Variants in CHST8 observed in about 807,000 individuals in gnomAD.
The protein encoded by CHST8 is carbohydrate sulfotransferase 8, also known as GALNAC-4-ST1.
CHST8 carries 10 observed loss-of-function variants against 15.0 expected under a neutral mutation model. The observed-to-expected ratio is 0.67, with a 90% confidence interval of 0.41 to 1.13. The LOEUF (loss-of-function observed/expected upper bound fraction) is 1.13. Ranked by LOEUF, CHST8 falls within the 50% of genes most tolerant of loss-of-function variation. The pLI, the probability that CHST8 is intolerant of heterozygous loss-of-function variation, is 0.00. For synonymous variants in CHST8, 259 were observed against 256.6 expected, an observed-to-expected ratio of 1.01 and a Z score of -0.09; for missense variants, 634 against 608.2, an observed-to-expected ratio of 1.04 and a Z score of -0.45.
intron 3 of CHST8, among the ~76,000 whole-genome samples, chr19:33,704,264 C>G (rs1275227412): frequency 6.6e-6 from 1 of 152,212 alleles, no homozygotes; most frequent in Non-Finnish European, 1.5e-5. Flanking sequence ...TTCCTCAAGT[C>G]CTGGATGGAG....
In CHST8 at chr19:33,696,673, G is replaced by A. The variant is rs143864058; in HGVS notation, c.130+7282G>A. ...CCCCATCTCCCTTCCCCAGACCGTG[G>A]AAAAATTGTCTTCCACGAAACTGGT... On this transcript the variant is annotated intron_variant, in intron 3 of 4. Coordinates refer to ENST00000650847, the MANE Select transcript of CHST8 (RefSeq NM_001127895.2). Among the ~76,000 whole-genome samples the A allele has an allele frequency of 3.8e-3, 581 of 152,048 alleles. 1 individual carries two copies. The highest frequency in any genetic ancestry group is 0.01 in the Middle Eastern group (3 of 292).
chr19:33,686,681 G>A (rs1076513), intron 2 of CHST8, among the ~76,000 whole-genome samples: 5,384 of 152,256 alleles, frequency 0.035, 132 homozygotes, highest in Non-Finnish European at 0.055. Flanking sequence ...GATGTTGGAG[G>A]CTACCCTAGG....
chr19:33,688,662 C>A (rs180963061), intron 2 of CHST8, among the ~76,000 whole-genome samples: 153 of 152,256 alleles, frequency 1.0e-3, no homozygotes, highest in Admixed American at 1.9e-3. Flanking sequence ...GCCTAGCAGG[C>A]TCCTTTTCAG....
chr19:33,656,863 A>C (rs1972515405), intron 1 of CHST8, among the ~76,000 whole-genome samples: 1 of 152,074 alleles, frequency 6.6e-6, no homozygotes, highest in Admixed American at 6.5e-5. Context: ...GTGTGAAACA[A>C]CGTTTATCTA....
At chr19:33,690,816 C>T (rs1271107434) in intron 3 of CHST8, among the ~76,000 whole-genome samples, 2 of 152,234 alleles carry the variant, frequency 1.3e-5, no homozygotes, top group Non-Finnish European at 2.9e-5. Context: ...CCCCTCGGGA[C>T]AGCGCCACCA....
chr19:33,726,698 C>G (rs1215342521), intron 3 of CHST8, among the ~76,000 whole-genome samples: 1 of 152,136 alleles, frequency 6.6e-6, no homozygotes. Flanking sequence ...GACAGCAGTG[C>G]TGAACTCCAG....
chr19:33,721,999 A>G (rs1347185416), intron 3 of CHST8, among the ~76,000 whole-genome samples: 6 of 140,244 alleles, frequency 4.3e-5, no homozygotes, highest in Admixed American at 2.8e-4. Context: ...ATGGATGGAT[A>G]GATGGAAAGA....
intron 2 of CHST8, among the ~76,000 whole-genome samples, chr19:33,670,902 A>G (rs1006915308): frequency 3.3e-5 from 5 of 152,130 alleles, no homozygotes; most frequent in Non-Finnish European, 2.9e-5. Flanking sequence ...ACAAGAGATT[A>G]TTACTCCCAT....
At chr19:33,726,533 G>C (rs1469831466) in intron 3 of CHST8, among the ~76,000 whole-genome samples, 1 of 152,026 alleles carries the variant, frequency 6.6e-6, no homozygotes, top group Non-Finnish European at 1.5e-5. Flanking sequence ...GCAAGACCCT[G>C]TCTCAATAAT....
chr19:33,723,101 T>A (rs561364280), intron 3 of CHST8, among the ~76,000 whole-genome samples: 375 of 152,306 alleles, frequency 2.5e-3, no homozygotes, highest in African/African-American at 8.8e-3. Flanking sequence ...GATCCTGTGT[T>A]AAGTGTGGGG....
chr19:33,712,831 G>A (rs1284757513), intron 3 of CHST8, among the ~76,000 whole-genome samples: 2 of 152,142 alleles, frequency 1.3e-5, no homozygotes, highest in East Asian at 3.9e-4. Flanking sequence ...GGGATCCCCT[G>A]CTCAGTGTCT....
intron 1 of CHST8, among the ~76,000 whole-genome samples, chr19:33,632,749 G>T (rs1314056699): frequency 3.1e-5 from 1 of 32,204 alleles, no homozygotes; most frequent in Non-Finnish European, 8.0e-5. Context: ...GGTTTTCCTT[G>T]TGTGTGTGTG....
intron 3 of CHST8, among the ~76,000 whole-genome samples, chr19:33,722,911 GA>G (rs1395914587): frequency 6.6e-6 from 1 of 152,250 alleles, no homozygotes; most frequent in Non-Finnish European, 1.5e-5. Context: ...GCAAGGGTAA[GA>G]GGGGGTCTGC....
rs1467941344 is a variant in CHST8 at position 33,655,284 on chromosome 19, G to A, written c.-163-12483G>A. ...ACTCCTAATCTCAAGAGATCTGCCC[G>A]CCTCAGCCTCCGAAAGTGCTAGGAT... On this transcript the variant is annotated intron_variant, in intron 1 of 4. Transcript: ENST00000650847. Among the ~76,000 whole-genome samples the A allele has an allele frequency of 2.6e-5, 4 of 152,198 alleles. No homozygotes were observed. In the East Asian group the frequency reaches 5.8e-4, roughly 22 times the overall value.
At chr19:33,676,964 G>A (rs1280612002) in intron 2 of CHST8, among the ~76,000 whole-genome samples, 1 of 152,120 alleles carries the variant, frequency 6.6e-6, no homozygotes, top group Non-Finnish European at 1.5e-5. Context: ...CATTGGATGT[G>A]TCATTTGAAA....
intron 3 of CHST8, among the ~76,000 whole-genome samples, chr19:33,739,452 CAG>C (rs942820198): frequency 1.3e-5 from 2 of 152,218 alleles, no homozygotes; most frequent in Admixed American, 1.3e-4. Flanking sequence ...TCAGATATCC[CAG>C]AGAGTGTTTG....
At chr19:33,736,268 C>T (rs577449682) in intron 3 of CHST8, among the ~76,000 whole-genome samples, 17 of 152,314 alleles carry the variant, frequency 1.1e-4, no homozygotes, top group African/African-American at 3.4e-4. Flanking sequence ...GAACTGATCA[C>T]GCCAGATTCT....
chr19:33,754,356 G>A (rs945333875), intron 3 of CHST8, among the ~76,000 whole-genome samples: 3 of 151,664 alleles, frequency 2.0e-5, no homozygotes, highest in Admixed American at 1.3e-4. Context: ...TGAGCAAACC[G>A]TCCTTGCTAC....
At chr19:33,748,049 G>T (rs1405110312) in intron 3 of CHST8, among the ~76,000 whole-genome samples, 1 of 152,152 alleles carries the variant, frequency 6.6e-6, no homozygotes, top group African/African-American at 2.4e-5. Context: ...ATGAGGGGCT[G>T]TCCACAGAGC....
Sources: allele counts gnomAD v4.1 joint callset (sites outside exome capture counted in the v4.1 genomes callset), GRCh38; gene constraint gnomAD v4.1.1; transcripts MANE v1.5; gene names NCBI Gene and HGNC (gene_info 2026-07-23, HGNC 2026-07-21).